The following ANKRD17 variants were observed in gnomAD, a reference collection of about 807,000 sequenced individuals.
ANKRD17 encodes the protein ankyrin repeat domain 17.
ANKRD17 carries 19 observed loss-of-function variants against 229.7 expected under a neutral mutation model. That is an observed-to-expected ratio of 0.08 (90% CI 0.06 to 0.12). The LOEUF (loss-of-function observed/expected upper bound fraction) is 0.12, where lower values mean the gene tolerates loss of function less well. Ranked by LOEUF, ANKRD17 falls within the 10% of genes least tolerant of loss-of-function variation. ANKRD17 has a pLI of 1.00. For missense variants in ANKRD17, 2,176 were observed against 3,176.8 expected (o/e 0.68, Z 7.57); for synonymous variants, 1,112 against 1,146.1 (o/e 0.97, Z 0.60).
intron 8 of ANKRD17, among the ~76,000 whole-genome samples, chr4:73,148,466 T>C (rs1384049862): frequency 6.6e-6 from 1 of 152,196 alleles, no homozygotes; most frequent in Non-Finnish European, 1.5e-5. Flanking sequence ...TAAATACTTA[T>C]TAGTAGGTAT....
chr4:73,147,721 T>C (rs1291729028), intron 8 of ANKRD17, among the ~76,000 whole-genome samples: 2 of 152,052 alleles, frequency 1.3e-5, no homozygotes, highest in African/African-American at 2.4e-5. Flanking sequence ...CATCCTCTCA[T>C]TATAGTGATT....
chr4:73,143,617 T>C (rs992940597), intron 11 of ANKRD17, among the ~76,000 whole-genome samples: 1 of 152,228 alleles, frequency 6.6e-6, no homozygotes, highest in Non-Finnish European at 1.5e-5. Flanking sequence ...TTGAAAGTAA[T>C]TTCGCCAGTA....
chr4:73,160,182 T>C (rs1374787614), intron 3 of ANKRD17, among the ~76,000 whole-genome samples: 1 of 151,102 alleles, frequency 6.6e-6, no homozygotes, highest in East Asian at 1.9e-4. Flanking sequence ...AGTTGCTTCC[T>C]TGAAGTATCT....
At chr4:73,248,591 A>G (rs1282129103) in intron 1 of ANKRD17, among the ~76,000 whole-genome samples, 1 of 152,016 alleles carries the variant, frequency 6.6e-6, no homozygotes, top group Non-Finnish European at 1.5e-5. Context: ...ATAGTGATAA[A>G]ACTATTAGCT....
chr4:73,221,436 T>C (rs1741839683), intron 1 of ANKRD17, among the ~76,000 whole-genome samples: 1 of 152,158 alleles, frequency 6.6e-6, no homozygotes, highest in South Asian at 2.1e-4. Flanking sequence ...TAAAATCTGT[T>C]ATATGCTGAA....
At chr4:73,149,319 C>T (rs1273864765) in intron 7 of ANKRD17, among the ~76,000 whole-genome samples, 1 of 150,664 alleles carries the variant, frequency 6.6e-6, no homozygotes, top group Non-Finnish European at 1.5e-5. Flanking sequence ...GAAAAAAAAA[C>T]AGTAAGTATG....
chr4:73,216,441 T>C (rs1229202907), intron 1 of ANKRD17, among the ~76,000 whole-genome samples: 2 of 152,188 alleles, frequency 1.3e-5, no homozygotes, highest in African/African-American at 4.8e-5. Flanking sequence ...TTTAAAACTA[T>C]TGCTCTAATA....
At position 73,122,041 on chromosome 4, in the gene ANKRD17, A is replaced by T. The variant is rs890317879; in HGVS notation, c.3493-282T>A. Among the ~76,000 whole-genome samples, 13 of 152,172 alleles carry T rather than the reference A, an allele frequency of 8.5e-5. No individual in the cohort carries two copies. The South Asian group carries it at 1.2e-3, about 15-fold the overall frequency. ...TTTGTGACATGCTTTGGAAATTAAT[A>T]TTTGTTATTTCACCACAAAGCGGTA... is the stretch of plus-strand genomic sequence containing the variant. On this transcript the variant is annotated intron_variant, in intron 18 of 33. Coordinates refer to ENST00000358602, the MANE Select transcript of ANKRD17 (RefSeq NM_032217.5).
At chr4:73,107,836 C>T (rs571902704) in intron 24 of ANKRD17, among the ~76,000 whole-genome samples, 2 of 151,974 alleles carry the variant, frequency 1.3e-5, no homozygotes, top group Admixed American at 6.6e-5. Context: ...AAGTCATTGT[C>T]GGGCTCTGAA....
intron 29 of ANKRD17, among the ~76,000 whole-genome samples, chr4:73,088,851 A>G (rs866046749): frequency 1.3e-5 from 2 of 152,148 alleles, no homozygotes; most frequent in South Asian, 4.1e-4. Flanking sequence ...GGCAACCAAG[A>G]GCCAAATACC....
chr4:73,088,139 T>C (rs992840969), intron 29 of ANKRD17, among the ~76,000 whole-genome samples: 3 of 152,100 alleles, frequency 2.0e-5, no homozygotes, highest in African/African-American at 7.2e-5. Flanking sequence ...AAATACAAAC[T>C]ATAAAAACAG....
chr4:73,195,066 T>G (rs1737665165), intron 1 of ANKRD17, among the ~76,000 whole-genome samples: 1 of 152,182 alleles, frequency 6.6e-6, no homozygotes, highest in Non-Finnish European at 1.5e-5. Context: ...GCTAAGAATT[T>G]TTTGTTATCA....
chr4:73,078,965 A>C, intron 30 of ANKRD17, 75 bp from the exon 31 acceptor site: 1 of 1,442,256 alleles, frequency 6.9e-7, no homozygotes. Context: ...AAATCTTAAA[A>C]CCAGGAGATG....
At chr4:73,216,705 A>G (rs1443444224) in intron 1 of ANKRD17, among the ~76,000 whole-genome samples, 1 of 152,188 alleles carries the variant, frequency 6.6e-6, no homozygotes, top group Admixed American at 6.5e-5. Flanking sequence ...TCTATATATA[A>G]TTTAAATACT....
chr4:73,091,327 T>C lies in ANKRD17; in HGVS notation c.6301A>G (p.Ser2101Gly), dbSNP rs200875539. 2 of 1,614,130 alleles carry C rather than the reference T, an allele frequency of 1.2e-6. No homozygotes were observed. Among genetic ancestry groups the C allele is most frequent in the East Asian group, 4.5e-5 (2 of 44,874 alleles). ...RPPNSSSSSG[S>G]SSAHSNQQQP... ...TGCTGATTAGAATGAGCTGATGAAC[T>C]CCCAGAAGAACTGCTGCTGTTTGGA... The change falls in exon 29 of 34, where the codon AGT (serine) becomes GGT (glycine). Residue 2101 changes from serine to glycine, a missense_variant. Ser to Gly is a moderately conservative substitution (Grantham distance 56). Coordinates refer to ENST00000358602, the MANE Select transcript of ANKRD17 (RefSeq NM_032217.5).
intron 1 of ANKRD17, among the ~76,000 whole-genome samples, chr4:73,243,903 C>A (rs1378008187): frequency 6.6e-6 from 1 of 152,200 alleles, no homozygotes; most frequent in African/African-American, 2.4e-5. Flanking sequence ...TATTAGTTTA[C>A]TAGCGCTACC....
At position 73,076,221 on chromosome 4, in the gene ANKRD17, C is replaced by G; in HGVS notation, c.*10G>C. 1 of 1,605,052 alleles carries G rather than the reference C, an allele frequency of 6.2e-7. No homozygotes were observed. Among genetic ancestry groups the G allele is most frequent in the Non-Finnish European group, 8.5e-7 (1 of 1,176,730 alleles). Reference sequence around the variant, plus strand: ...GAAAAGGAATCTGCAGGCTAACAAGCTGATCCTCATCAGCCAAGCTGGTTC... The same window carrying G: ...GAAAAGGAATCTGCAGGCTAACAAGGTGATCCTCATCAGCCAAGCTGGTTC... On this transcript the variant is annotated 3_prime_UTR_variant, in exon 34 of 34. Coordinates refer to ENST00000358602, the MANE Select transcript of ANKRD17 (RefSeq NM_032217.5).
At chr4:73,193,440 C>T (rs1047536407) in intron 1 of ANKRD17, among the ~76,000 whole-genome samples, 13 of 152,292 alleles carry the variant, frequency 8.5e-5, no homozygotes, top group African/African-American at 2.2e-4. Context: ...CAGACTTTTA[C>T]GTGACACCAC....
chr4:73,186,394 T>C (rs963832568), intron 1 of ANKRD17, among the ~76,000 whole-genome samples: 3 of 152,100 alleles, frequency 2.0e-5, no homozygotes, highest in Non-Finnish European at 2.9e-5. Context: ...CAATGATTCA[T>C]TATGGTATTC....
Sources: allele counts gnomAD v4.1 joint callset (sites outside exome capture counted in the v4.1 genomes callset), GRCh38; gene constraint gnomAD v4.1.1; transcripts MANE v1.5; gene names NCBI Gene and HGNC (gene_info 2026-07-23, HGNC 2026-07-21).